The following ZNF646 variants were observed in gnomAD, a reference collection of about 807,000 sequenced individuals.
The protein encoded by ZNF646 is zinc finger protein 646.
Under a neutral mutation model 115.4 loss-of-function variants are expected in ZNF646, and 49 were observed. That is an observed-to-expected ratio of 0.42 (90% CI 0.34 to 0.54). ZNF646 has a LOEUF of 0.54. Ranked by LOEUF, ZNF646 falls within the 20% of genes least tolerant of loss-of-function variation. The pLI is 0.04. For missense variants in ZNF646, 2,269 were observed against 2,457.9 expected (o/e 0.92, Z 1.62); for synonymous variants, 933 against 939.0 (o/e 0.99, Z 0.12).
At chr16:31,081,930 C>A (rs933956442) in intron 2 of ZNF646, 4 of 661,904 alleles carry the variant, frequency 6.0e-6, no homozygotes, top group Non-Finnish European at 1.0e-5. Context: ...CACGTGGGGG[C>A]GTGGTCAGGC....
rs147705946 is a variant in ZNF646, at chr16:31,077,694, C to T, written c.1370C>T (p.Thr457Ile). Residue 457 changes from threonine to isoleucine, a missense_variant, in exon 2 of 3, where the codon ACC becomes ATC. Thr to Ile is a moderately conservative substitution (Grantham distance 89, BLOSUM62 -1). Transcript: ENST00000300850. Reference sequence around the variant, plus strand: ...ACCCACAAAGAGGAAGAGGACCCCACCACCACCCTGGACCATCGGCCCTAT... The same window carrying T: ...ACCCACAAAGAGGAAGAGGACCCCATCACCACCCTGGACCATCGGCCCTAT... The part of the protein sequence containing the change: ...ETTHKEEEDP[T>I]TTLDHRPYKC... 5.6e-6 allele frequency: 9 copies of T among 1,613,980 alleles called. No individual in the cohort carries two copies. In the African/African-American group the frequency reaches 9.3e-5, roughly 17 times the overall value.
rs146684809 is a variant in ZNF646, at chr16:31,076,469, C to T, written c.145C>T (p.Arg49Cys). ...GGCTGACAGCATCCCTCGGCCCTAC[C>T]GTTGTCAGCAGTGTGGGCGGGGCTA... Reference protein sequence around the residue: ...EEADSIPRPYRCQQCGRGYRH... With the variant: ...EEADSIPRPYCCQQCGRGYRH... The change falls in exon 2 of 3, where the codon CGT (arginine) becomes TGT (cysteine). Residue 49 changes from arginine (R) to cysteine (C), a missense_variant. Arg to Cys is a radical substitution (Grantham distance 180, BLOSUM62 -3). Transcript: ENST00000300850. 19 of 1,613,944 alleles carry T rather than the reference C, an allele frequency of 1.2e-5. No individual in the cohort carries two copies. Among genetic ancestry groups the T allele is most frequent in the African/African-American group, 2.7e-5 (2 of 74,910 alleles).
Position 31,077,665 on chromosome 16 carries a change from G to C in ZNF646, c.1341G>C (p.Glu447Asp), listed in dbSNP as rs1305692840. Residue 447 changes from glutamate to aspartate, a missense_variant, in exon 2 of 3, where the codon GAG becomes GAC. Glu to Asp is a conservative substitution (Grantham distance 45). Around this residue, in one of 5 missense-constraint regions of ZNF646, gnomAD observed 852 missense variants for 900.2 expected, o/e 0.95. Transcript: ENST00000300850. ...CACCAGCTCCCCTGCTGCTGGCTGA[G>C]ACCACCCACAAAGAGGAAGAGGACC... Reference protein sequence around the residue: ...SVPPAPLLLAETTHKEEEDPT... With the variant: ...SVPPAPLLLADTTHKEEEDPT... 3 of 1,613,930 alleles carry C rather than the reference G, an allele frequency of 1.9e-6. No homozygotes were observed. Among genetic ancestry groups the C allele is most frequent in the Admixed American group, 3.3e-5 (2 of 60,002 alleles).
Position 31,080,637 on chromosome 16 carries a change from A to T in ZNF646, c.4313A>T (p.Glu1438Val). The change falls in exon 2 of 3, where the codon GAG becomes GTG. Residue 1438 changes from glutamate to valine, a missense_variant. This residue lies in a region of ZNF646 where 1,062 missense variants were observed against 1,172.8 expected (regional missense o/e 0.91). Transcript: ENST00000300850. Reference protein sequence around the residue: ...HLEDGVPRPGERSQSPIRAAS... With the variant: ...HLEDGVPRPGVRSQSPIRAAS... The stretch of plus-strand genomic sequence containing the variant: ...GAGGATGGAGTCCCAAGGCCAGGGG[A>T]GCGCAGTCAGAGCCCCATCAGGGCA... The T allele has an allele frequency of 6.2e-7, 1 of 1,614,106 alleles. No individual in the cohort carries two copies. The highest frequency in any genetic ancestry group is 8.5e-7 in the Non-Finnish European group (1 of 1,180,010).
rs1316903787 is a variant in ZNF646 at position 31,079,263 on chromosome 16, A to G, written c.2939A>G (p.Gln980Arg). ...LGSLERHHQS[Q>R]SSGTTADKAP... ...AGCCTGGAGCGTCACCACCAAAGTCAGAGTTCTGGGACTACTGCAGACAAG... is the reference window on the plus strand; with the variant it reads ...AGCCTGGAGCGTCACCACCAAAGTCGGAGTTCTGGGACTACTGCAGACAAG... Residue 980 changes from glutamine (Q) to arginine (R), a missense_variant, in exon 2 of 3, where the codon CAG (glutamine) becomes CGG (arginine). Around this residue, in one of 5 missense-constraint regions of ZNF646, gnomAD observed 1,062 missense variants for 1,172.8 expected, o/e 0.91. Coordinates refer to ENST00000300850, the MANE Select transcript of ZNF646 (RefSeq NM_014699.4). This position sits in a 1 kb window ranked among gnomAD's most constrained non-coding sequence, Gnocchi z 5.5. 6.2e-7 allele frequency: 1 copy of G among 1,614,000 alleles called. No homozygotes were observed.
At chr16:31,082,735 G>A (rs987595049) in intron 2 of ZNF646, 2 of 546,210 alleles carry the variant, frequency 3.7e-6, no homozygotes, top group South Asian at 5.1e-5. Context: ...GCAGGTGGGA[G>A]TCACCTGAAA....
chr16:31,079,738 C>G lies in ZNF646; in HGVS notation c.3414C>G (p.His1138Gln), dbSNP rs201284147. 77 of 1,613,618 alleles carry G rather than the reference C, an allele frequency of 4.8e-5. No homozygotes were observed. In the Admixed American group the frequency reaches 7.8e-4, roughly 16 times the overall value. Residue 1138 changes from histidine (H) to glutamine (Q), a missense_variant, in exon 2 of 3, where the codon CAC becomes CAG. His to Gln is a conservative substitution (Grantham distance 24). This residue lies in a region of ZNF646 where 1,062 missense variants were observed against 1,172.8 expected (regional missense o/e 0.91). Transcript: ENST00000300850. This position sits in a 1 kb window ranked among gnomAD's most constrained non-coding sequence, Gnocchi z 5.5. ...AAGGAGGCAGCAACAAGCCCCAGCA[C>G]ATGGCAGAGGAGGGGCCGGGGCAAG... is the stretch of plus-strand genomic sequence containing the variant. ...IPEGGSNKPQ[H>Q]MAEEGPGQAE... is the part of the protein sequence containing the mutation.
chr16:31,082,619 G>C, intron 2 of ZNF646: 1 of 295,462 alleles, frequency 3.4e-6, no homozygotes, highest in Non-Finnish European at 6.7e-6. Context: ...ACCTGGGCTG[G>C]CCTCTCCACC....
chr16:31,082,061 A>G (rs2057169937), intron 2 of ZNF646: 1 of 411,632 alleles, frequency 2.4e-6, no homozygotes, highest in Non-Finnish European at 4.4e-6. Context: ...TGAGTCAGCC[A>G]GTAAAGTAAT....
rs2057117694 is a variant in ZNF646, at chr16:31,078,985, C to T, written c.2661C>T (p.Gly887=). The part of the protein sequence containing the change: ...SAQPFLCCLC[G]MIFPGRAGYR... ...AGCCTTTCCTCTGCTGCCTCTGTGGCATGATCTTCCCTGGGCGGGCTGGCT... is the reference window on the plus strand; with the variant it reads ...AGCCTTTCCTCTGCTGCCTCTGTGGTATGATCTTCCCTGGGCGGGCTGGCT... Residue 887 remains glycine, a synonymous_variant, in exon 2 of 3, where the codon GGC becomes GGT. Transcript: ENST00000300850. 3 of 1,605,366 alleles carry T rather than the reference C, an allele frequency of 1.9e-6. No individual in the cohort carries two copies. The highest frequency in any genetic ancestry group is 4.5e-5 in the East Asian group (2 of 44,722).
Position 31,084,139 on chromosome 16 carries a change from C to T in ZNF646, c.*1047C>T. 1 of 1,587,000 alleles carries T rather than the reference C, an allele frequency of 6.3e-7. No homozygotes were observed. The highest frequency in any genetic ancestry group is 8.6e-7 in the Non-Finnish European group (1 of 1,167,568). On this transcript the variant is annotated 3_prime_UTR_variant, in exon 3 of 3. Transcript: ENST00000300850. ...CATACTTATGTTGGCCAGGCAGCTTCCAGGCTCAGCCTCGGGCTCTGGTTC... is the reference window on the plus strand; with the variant it reads ...CATACTTATGTTGGCCAGGCAGCTTTCAGGCTCAGCCTCGGGCTCTGGTTC...
Position 31,076,461 on chromosome 16 carries a change from G to A in ZNF646, c.137G>A (p.Arg46Gln), listed in dbSNP as rs1192525555. 6.2e-7 allele frequency: 1 copy of A among 1,613,730 alleles called. No individual in the cohort carries two copies. The highest frequency in any genetic ancestry group is 8.5e-7 in the Non-Finnish European group (1 of 1,179,934). ...AGTGAGGAGGCTGACAGCATCCCTC[G>A]GCCCTACCGTTGTCAGCAGTGTGGG... ...QDSEEADSIPRPYRCQQCGRG... is the reference protein window; with the variant it reads ...QDSEEADSIPQPYRCQQCGRG... Residue 46 changes from arginine (R) to glutamine (Q), a missense_variant, in exon 2 of 3, where the codon CGG becomes CAG. This residue lies in a region of ZNF646 where 334 missense variants were observed against 323.5 expected (regional missense o/e 1.03). Coordinates refer to ENST00000300850, the MANE Select transcript of ZNF646 (RefSeq NM_014699.4).
rs778194461 is a variant in ZNF646 at position 31,081,547 on chromosome 16, T to C, written c.5223T>C (p.Phe1741=). 1 of 1,613,878 alleles carries C rather than the reference T, an allele frequency of 6.2e-7. No homozygotes were observed. Among genetic ancestry groups the C allele is most frequent in the Non-Finnish European group, 8.5e-7 (1 of 1,179,994 alleles). Residue 1741 remains phenylalanine, a synonymous_variant, in exon 2 of 3, where the codon TTT becomes TTC. Transcript: ENST00000300850. ...GCTGCAGCATCTGTGGCAAGGCCTT[T>C]CGGACAGCTGCCCGGCTGGAGGGCC... ...RHCCSICGKA[F]RTAARLEGHG...
rs200140946 is a variant in ZNF646 at position 31,078,435 on chromosome 16, G to T, written c.2111G>T (p.Gly704Val). The change falls in exon 2 of 3, where the codon GGC becomes GTC. Residue 704 changes from glycine (G) to valine (V), a missense_variant. Physicochemically the swap from Gly to Val is moderately radical, Grantham distance 109 (BLOSUM62 -3). This residue lies in a region of ZNF646 where 852 missense variants were observed against 900.2 expected (regional missense o/e 0.95). Transcript: ENST00000300850. Reference protein sequence around the residue: ...SWTRELEDNEGLESPQDPSGE... With the variant: ...SWTRELEDNEVLESPQDPSGE... Reference sequence around the variant, plus strand: ...ACCCGGGAGCTAGAAGACAATGAAGGCCTGGAGTCTCCCCAAGACCCTTCA... The same window carrying T: ...ACCCGGGAGCTAGAAGACAATGAAGTCCTGGAGTCTCCCCAAGACCCTTCA... 5.6e-6 allele frequency: 9 copies of T among 1,602,550 alleles called. No individual in the cohort carries two copies. In the East Asian group the frequency reaches 1.8e-4, roughly 32 times the overall value.
chr16:31,081,857 G>A, intron 2 of ZNF646, 156 bp downstream of exon 2: 1 of 1,287,686 alleles, frequency 7.8e-7, no homozygotes, highest in Non-Finnish European at 1.1e-6. Flanking sequence ...GAAGTAGCTT[G>A]AGGATGTGCT....
Position 31,078,545 on chromosome 16 carries a change from C to A in ZNF646, c.2221C>A (p.Leu741Ile). 1 of 1,600,568 alleles carries A rather than the reference C, an allele frequency of 6.2e-7. No homozygotes were observed. The highest frequency in any genetic ancestry group is 8.5e-7 in the Non-Finnish European group (1 of 1,170,902). Residue 741 changes from leucine to isoleucine, a missense_variant, in exon 2 of 3, where the codon CTT (leucine) becomes ATT (isoleucine). By Grantham distance (5) the Leu-to-Ile change is conservative. Around this residue, in one of 5 missense-constraint regions of ZNF646, gnomAD observed 852 missense variants for 900.2 expected, o/e 0.95. Coordinates refer to ENST00000300850, the MANE Select transcript of ZNF646 (RefSeq NM_014699.4). ...TGAATCTGAAGGGGACAAATGTGGG[C>A]TTGAGAGGGATGAGACCCATTTCCA... ...QAESEGDKCG[L>I]ERDETHFQGD... is the part of the protein sequence containing the mutation.
In ZNF646 at chr16:31,076,494, A is replaced by G. The variant is rs759048548; in HGVS notation, c.170A>G (p.Tyr57Cys). The G allele has an allele frequency of 2.6e-5, 42 of 1,613,834 alleles. No homozygotes were observed. Among genetic ancestry groups the G allele is most frequent in the South Asian group, 1.9e-4 (17 of 91,070 alleles). ...PYRCQQCGRG[Y>C]RHPGSLVNHR... ...CGTTGTCAGCAGTGTGGGCGGGGCTACCGTCACCCCGGGAGCCTGGTTAAC... is the reference window on the plus strand; with the variant it reads ...CGTTGTCAGCAGTGTGGGCGGGGCTGCCGTCACCCCGGGAGCCTGGTTAAC... Residue 57 changes from tyrosine to cysteine, a missense_variant, in exon 2 of 3, where the codon TAC becomes TGC. Tyr to Cys is a radical substitution (Grantham distance 194). Coordinates refer to ENST00000300850, the MANE Select transcript of ZNF646 (RefSeq NM_014699.4).
At position 31,079,567 on chromosome 16, in the gene ZNF646, C is replaced by T; in HGVS notation, c.3243C>T (p.Cys1081=). The part of the protein sequence containing the change: ...RKIHQTGDFL[C]PVCSRCYPNL... ...TCCACCAGACTGGAGACTTTCTCTG[C>T]CCTGTCTGCTCCCGCTGCTACCCCA... The change falls in exon 2 of 3, where the codon TGC becomes TGT. Residue 1081 remains cysteine (C), a synonymous_variant. Transcript: ENST00000300850. The surrounding 1 kb of genome is among the most constrained non-coding windows in gnomAD (Gnocchi z 5.5). 6.2e-7 allele frequency: 1 copy of T among 1,613,430 alleles called. No homozygotes were observed. The highest frequency in any genetic ancestry group is 8.5e-7 in the Non-Finnish European group (1 of 1,180,034).
chr16:31,076,551 C>T lies in ZNF646; in HGVS notation c.227C>T (p.Pro76Leu). 6.2e-7 allele frequency: 1 copy of T among 1,612,318 alleles called. No homozygotes were observed. The highest frequency in any genetic ancestry group is 8.5e-7 in the Non-Finnish European group (1 of 1,178,792). Residue 76 changes from proline to leucine, a missense_variant, in exon 2 of 3, where the codon CCC becomes CTC. This residue lies in a region of ZNF646 where 334 missense variants were observed against 323.5 expected (regional missense o/e 1.03). Coordinates refer to ENST00000300850, the MANE Select transcript of ZNF646 (RefSeq NM_014699.4). ...CGGACCCACGAGACTGGCCTTTTCCCCTGTACCACCTGTGGCAAGGACTTC... is the reference window on the plus strand; with the variant it reads ...CGGACCCACGAGACTGGCCTTTTCCTCTGTACCACCTGTGGCAAGGACTTC... The part of the protein sequence containing the change: ...HRRTHETGLF[P>L]CTTCGKDFSN...
Sources: gnomAD v4.1 joint callset for allele counts on GRCh38, gnomAD v4.1.1 for gene constraint, gnomAD v4.1.1 regional missense constraint, Gnocchi (gnomAD v3.1) non-coding constraint, MANE v1.5 for transcripts, NCBI Gene and HGNC (gene_info 2026-07-23, HGNC 2026-07-21) for gene names.